Variants in DNAI7 observed in about 807,000 individuals in gnomAD.
DNAI7 encodes dynein axonemal intermediate chain 7.
A neutral mutation model predicts 86.6 loss-of-function variants in DNAI7; 78 were observed. That is an observed-to-expected ratio of 0.90 (90% CI 0.75 to 1.09). The LOEUF is 1.09. Ranked by LOEUF, DNAI7 falls within the 50% of genes least tolerant of loss-of-function variation. DNAI7 has a pLI of 0.00. For missense variants in DNAI7, 753 were observed against 810.2 expected, an observed-to-expected ratio of 0.93 and a Z score of 0.86; for synonymous variants, 274 against 273.0, an observed-to-expected ratio of 1.00 and a Z score of -0.04.
chr12:25,164,816 A>G (rs1195620893), intron 2 of DNAI7, among the ~76,000 whole-genome samples: 1 of 151,678 alleles, frequency 6.6e-6, no homozygotes, highest in African/African-American at 2.4e-5. Context: ...CCTCCTCACC[A>G]GGCCGAGCTA....
At chr12:25,150,474 G>A (rs964175045) in intron 6 of DNAI7, among the ~76,000 whole-genome samples, 1 of 151,790 alleles carries the variant, frequency 6.6e-6, no homozygotes, top group African/African-American at 2.4e-5. Flanking sequence ...TGTGGTGGCG[G>A]GCGCCTGTAG....
downstream of DNAI7, among the ~76,000 whole-genome samples, chr12:25,107,564 C>T (rs867652227): frequency 1.3e-5 from 2 of 149,608 alleles, no homozygotes; most frequent in Admixed American, 1.3e-4. Context: ...CTTGTATGTA[C>T]TTATTAGAAG....
At chr12:25,191,189 G>A (rs2141394375) in intron 1 of DNAI7, among the ~76,000 whole-genome samples, 1 of 152,264 alleles carries the variant, frequency 6.6e-6, no homozygotes, top group South Asian at 2.1e-4. Flanking sequence ...AAGGCGGGAG[G>A]ATCACCTGAA....
In DNAI7 at chr12:25,144,274, T is replaced by C. The variant is rs1466296702; in HGVS notation, c.1002+91A>G. 4.6e-6 allele frequency: 5 copies of C among 1,095,764 alleles called. No individual in the cohort carries two copies. In the East Asian group the frequency reaches 1.2e-4, roughly 26 times the overall value. The allele number at this position is 1,095,764 out of a possible 1,614,324, so 67.9% of individuals were successfully genotyped here. ...AAAGTGGCTCCCAGACAATTTCCAG[T>C]TGTTTAGGAAAAATCTTGAGAACAC... On this transcript the variant is annotated intron_variant, in intron 9 of 15. Coordinates refer to ENST00000395987, the MANE Select transcript of DNAI7 (RefSeq NM_018272.5).
chr12:25,164,960 A>G (rs1054771006), intron 2 of DNAI7, among the ~76,000 whole-genome samples: 17 of 152,216 alleles, frequency 1.1e-4, no homozygotes, highest in African/African-American at 4.1e-4. Context: ...TCCTCTTAAA[A>G]AGGTGGCTGG....
chr12:25,160,535 A>G (rs1253547135), intron 3 of DNAI7, among the ~76,000 whole-genome samples: 2 of 152,118 alleles, frequency 1.3e-5, no homozygotes, highest in Non-Finnish European at 2.9e-5. Context: ...TCACCCCGTC[A>G]TTCTCTTTAA....
rs1034742437 is a variant in DNAI7, at chr12:25,108,364, C to G, written c.*184G>C. On this transcript the variant is annotated 3_prime_UTR_variant, in exon 16 of 16. Transcript: ENST00000395987. ...AGTGAAAGCTGAAATTCTTAACAGG[C>G]CAAGTATTCAAAGGAAAAAAAAATA... The G allele has an allele frequency of 1.4e-5, 8 of 568,334 alleles. No individual in the cohort carries two copies. The highest frequency in any genetic ancestry group is 3.0e-5 in the East Asian group (1 of 33,494). 35.2% of individuals were successfully genotyped at this position (568,334 alleles called of 1,614,324 possible).
chr12:25,114,751 T>A lies in DNAI7; in HGVS notation c.1516A>T (p.Met506Leu), dbSNP rs757797743. The A allele has an allele frequency of 6.2e-7, 1 of 1,613,948 alleles. No homozygotes were observed. Among genetic ancestry groups the A allele is most frequent in the Non-Finnish European group, 8.5e-7 (1 of 1,179,828 alleles). Reference protein sequence around the residue: ...VTLIQDAHINMPYQSWELRPL... With the variant: ...VTLIQDAHINLPYQSWELRPL... The stretch of plus-strand genomic sequence containing the variant: ...CTTAGTTCCCATGACTGGTACGGCA[T>A]GTTAATATGAGCATCTTGAATCAAG... The change falls in exon 13 of 16, where the codon ATG (methionine) becomes TTG (leucine). Residue 506 changes from methionine (M) to leucine (L), a missense_variant. Coordinates refer to ENST00000395987, the MANE Select transcript of DNAI7 (RefSeq NM_018272.5).
chr12:25,125,320 T>G (rs1941969038), intron 9 of DNAI7, among the ~76,000 whole-genome samples: 1 of 152,232 alleles, frequency 6.6e-6, no homozygotes, highest in Non-Finnish European at 1.5e-5. Flanking sequence ...TTCTGACTGG[T>G]GTGAGATGAT....
chr12:25,127,554 T>C (rs1420002949), intron 9 of DNAI7, among the ~76,000 whole-genome samples: 1 of 152,314 alleles, frequency 6.6e-6, no homozygotes, highest in East Asian at 1.9e-4. Flanking sequence ...TAAATAACAA[T>C]TTCTAAAAGA....
intron 11 of DNAI7, among the ~76,000 whole-genome samples, chr12:25,119,593 T>C (rs1293815698): frequency 6.6e-6 from 1 of 152,128 alleles, no homozygotes; most frequent in Non-Finnish European, 1.5e-5. Flanking sequence ...AAATGATAAC[T>C]AAGACTTAGA....
At chr12:25,121,661 G>T in intron 11 of DNAI7, 92 bp downstream of exon 11, 1 of 1,078,586 alleles carries the variant, frequency 9.3e-7, no homozygotes, top group South Asian at 1.5e-5. Flanking sequence ...GTTTAATAAG[G>T]TTAAAGCTTA....
chr12:25,137,966 C>T lies in DNAI7; in HGVS notation c.1002+6399G>A, dbSNP rs192029866. 4.2e-3 allele frequency among the ~76,000 whole-genome samples: 636 copies of T among 151,872 alleles called. 3 individuals are homozygous for T. Among genetic ancestry groups the T allele is most frequent in the Non-Finnish European group, 5.8e-3 (393 of 67,940 alleles). On this transcript the variant is annotated intron_variant, in intron 9 of 15. Coordinates refer to ENST00000395987, the MANE Select transcript of DNAI7 (RefSeq NM_018272.5). ...AGTGTGGGACTCCAATACTTCAACA[C>T]TGACAGCACTAGACAGGTCATCAAG... is the stretch of plus-strand genomic sequence containing the variant.
chr12:25,130,372 C>T (rs1018129933), intron 9 of DNAI7, among the ~76,000 whole-genome samples: 2 of 151,146 alleles, frequency 1.3e-5, no homozygotes, highest in African/African-American at 2.4e-5. Flanking sequence ...CCCGTCTGTA[C>T]TAAAAATACA....
chr12:25,184,367 A>C (rs1026043960), intron 2 of DNAI7, among the ~76,000 whole-genome samples: 1 of 151,344 alleles, frequency 6.6e-6, no homozygotes, highest in African/African-American at 2.4e-5. Flanking sequence ...ATATAACTGT[A>C]ATCATGTAAA....
At chr12:25,108,846 C>CA in intron 15 of DNAI7, 23 bp from the exon 16 acceptor site, 2 of 404,574 alleles carry the variant, frequency 4.9e-6, no homozygotes, top group Non-Finnish European at 3.2e-6. Flanking sequence ...AAAATTCAAG[C>CA]AAGTTGTTAA....
intron 6 of DNAI7, 45 bp from the exon 7 acceptor site, chr12:25,149,819 C>A: frequency 8.2e-7 from 1 of 1,220,146 alleles, no homozygotes; most frequent in Non-Finnish European, 1.2e-6. Flanking sequence ...GAGAAATAGT[C>A]AAGGACAAGT....
intron 9 of DNAI7, among the ~76,000 whole-genome samples, chr12:25,128,645 C>T (rs2140557722): frequency 6.6e-6 from 1 of 152,296 alleles, no homozygotes; most frequent in Admixed American, 6.5e-5. Flanking sequence ...TATTTTTGTT[C>T]ATCTCTGTAA....
chr12:25,160,991 T>C (rs1946780731), intron 3 of DNAI7, 122 bp downstream of exon 3: 1 of 685,000 alleles, frequency 1.5e-6, no homozygotes. Flanking sequence ...TAGATACCTA[T>C]TATAAAACAG....
Sources: allele counts gnomAD v4.1 joint callset (sites outside exome capture counted in the v4.1 genomes callset), GRCh38; gene constraint gnomAD v4.1.1; transcripts MANE v1.5; gene names NCBI Gene and HGNC (gene_info 2026-07-23, HGNC 2026-07-21).